CTNNA3: variants seen among roughly 807,000 people sequenced by gnomAD.
CTNNA3 encodes the protein catenin alpha-3.
Under a neutral mutation model 95.7 loss-of-function variants are expected in CTNNA3, and 76 were observed. The observed-to-expected ratio is 0.79, with a 90% confidence interval of 0.66 to 0.96. The LOEUF (loss-of-function observed/expected upper bound fraction) is 0.96, where lower values mean the gene tolerates loss of function less well. CTNNA3 is among the 40% of genes least tolerant of loss of function. The pLI, the probability that CTNNA3 is intolerant of heterozygous loss-of-function variation, is 0.00. For synonymous variants in CTNNA3, 431 were observed against 374.4 expected (o/e 1.15, Z -1.74); for missense variants, 1,191 against 1,089.8 (o/e 1.09, Z -1.31).
chr10:67,073,652 T>C (rs1454731638), intron 7 of CTNNA3, among the ~76,000 whole-genome samples: 1 of 148,172 alleles, frequency 6.7e-6, no homozygotes, highest in Non-Finnish European at 1.5e-5. Flanking sequence ...CAAAAAATAA[T>C]AGAGATACAA....
intron 7 of CTNNA3, among the ~76,000 whole-genome samples, chr10:67,037,829 G>A (rs897043074): frequency 2.6e-5 from 4 of 152,146 alleles, no homozygotes; most frequent in African/African-American, 7.2e-5. Flanking sequence ...GACAATTTGA[G>A]ATGTATTGGT....
At position 67,731,674 on chromosome 10, in the gene CTNNA3, C is replaced by A. The variant is rs372399929; in HGVS notation, c.-2+31760G>T. 5.3e-5 allele frequency among the ~76,000 whole-genome samples: 8 copies of A among 150,360 alleles called. No individual in the cohort carries two copies. The Admixed American group carries it at 5.3e-4, about 10-fold the overall frequency. On this transcript the variant is annotated intron_variant, in intron 1 of 17. Transcript: ENST00000684154. ...AAAGTTAGCCAGTCGTGGTGGTGGG[C>A]GCCTGTAGTCCCAGCTACTCGGGAG...
intron 7 of CTNNA3, among the ~76,000 whole-genome samples, chr10:66,824,173 T>C (rs1842410817): frequency 6.6e-6 from 1 of 152,026 alleles, no homozygotes; most frequent in East Asian, 1.9e-4. Flanking sequence ...TTTCAATTCA[T>C]GAGAGGGTTT....
At chr10:66,925,050 C>A (rs1193972795) in intron 7 of CTNNA3, among the ~76,000 whole-genome samples, 2 of 152,114 alleles carry the variant, frequency 1.3e-5, no homozygotes, top group East Asian at 1.9e-4. Context: ...AGCTTCCTTG[C>A]CCCAATCCTT....
intron 7 of CTNNA3, among the ~76,000 whole-genome samples, chr10:67,039,123 C>T (rs1454345776): frequency 6.6e-6 from 1 of 151,908 alleles, no homozygotes; most frequent in Admixed American, 6.6e-5. Flanking sequence ...TGAACAAATG[C>T]CTCACACTGA....
chr10:67,515,876 CTCAT>C (rs1233525763), intron 5 of CTNNA3, among the ~76,000 whole-genome samples: 1 of 152,208 alleles, frequency 6.6e-6, no homozygotes, highest in Non-Finnish European at 1.5e-5. Flanking sequence ...CCCCTTAGTA[CTCAT>C]TCAGTCCAGC....
chr10:66,777,915 A>G (rs1440778575), intron 7 of CTNNA3, among the ~76,000 whole-genome samples: 1 of 152,112 alleles, frequency 6.6e-6, no homozygotes, highest in Non-Finnish European at 1.5e-5. Flanking sequence ...AAAAAATGTC[A>G]GCTTTCTCAG....
At chr10:65,985,531 C>T (rs1325959726) in intron 16 of CTNNA3, among the ~76,000 whole-genome samples, 1 of 151,394 alleles carries the variant, frequency 6.6e-6, no homozygotes, top group Non-Finnish European at 1.5e-5. Flanking sequence ...GTATTTTATG[C>T]ATTTTATATC....
At chr10:67,757,513 C>G (rs12572665) in intron 1 of CTNNA3, among the ~76,000 whole-genome samples, 1 of 152,104 alleles carries the variant, frequency 6.6e-6, no homozygotes, top group Admixed American at 6.5e-5. Context: ...GCTGCTAATG[C>G]GGCTAGAATA....
intron 7 of CTNNA3, among the ~76,000 whole-genome samples, chr10:66,834,197 A>G (rs1842818545): frequency 6.6e-6 from 1 of 152,144 alleles, no homozygotes; most frequent in Non-Finnish European, 1.5e-5. Context: ...ATGTGTACTC[A>G]CATACAATTG....
At chr10:66,390,017 T>A (rs761511626) in intron 11 of CTNNA3, among the ~76,000 whole-genome samples, 1 of 152,108 alleles carries the variant, frequency 6.6e-6, no homozygotes, top group African/African-American at 2.4e-5. Context: ...ATTACTGGAG[T>A]GAGCCCCTGC....
rs573384302 is a variant in CTNNA3, at chr10:66,048,935, A to C, written c.2159+20373T>G. 1.4e-4 allele frequency among the ~76,000 whole-genome samples: 22 copies of C among 152,098 alleles called. No homozygotes were observed. In the South Asian group the frequency reaches 4.4e-3, roughly 30 times the overall value. ...AATTGCAACAAAAGCAAAAATTGAC[A>C]AGTGGGAACTAATTAAAATTAAGAT... is the stretch of plus-strand genomic sequence containing the variant. On this transcript the variant is annotated intron_variant, in intron 15 of 17. Coordinates refer to ENST00000433211, the MANE Select transcript of CTNNA3 (RefSeq NM_013266.4).
At chr10:67,617,173 G>A (rs117159332) in intron 2 of CTNNA3, among the ~76,000 whole-genome samples, 3,499 of 152,182 alleles carry the variant, frequency 0.023, 56 homozygotes, top group Non-Finnish European at 0.032. Context: ...GTAAACTCAC[G>A]TCATGAAAAG....
intron 14 of CTNNA3, among the ~76,000 whole-genome samples, chr10:66,073,985 G>A (rs2080495273): frequency 6.6e-6 from 1 of 152,086 alleles, no homozygotes; most frequent in East Asian, 1.9e-4. Flanking sequence ...CAGACACTCG[G>A]AAGCCTCCTT....
chr10:66,049,609 G>A (rs554433104), intron 15 of CTNNA3, among the ~76,000 whole-genome samples: 7 of 152,258 alleles, frequency 4.6e-5, no homozygotes, highest in Admixed American at 3.3e-4. Context: ...ATACTATGAA[G>A]CAATAAAAAA....
chr10:65,988,856 C>G (rs758072028), intron 15 of CTNNA3, 59 bp from the exon 16 acceptor site: 1 of 1,217,376 alleles, frequency 8.2e-7, no homozygotes, highest in South Asian at 1.3e-5. Flanking sequence ...ATGTTAGCTA[C>G]GATGGTTCAT....
At chr10:66,680,637 T>G (rs955569089) in intron 9 of CTNNA3, among the ~76,000 whole-genome samples, 2 of 152,178 alleles carry the variant, frequency 1.3e-5, no homozygotes, top group African/African-American at 4.8e-5. Flanking sequence ...GTCCACAACT[T>G]TCTTCAAGAT....
chr10:67,236,918 G>T (rs1465074254), intron 5 of CTNNA3, among the ~76,000 whole-genome samples: 1 of 151,002 alleles, frequency 6.6e-6, no homozygotes, highest in East Asian at 2.0e-4. Flanking sequence ...GGAAAACAGG[G>T]TGGATCTTAC....
chr10:66,289,069 T>C (rs2091636571), intron 12 of CTNNA3, among the ~76,000 whole-genome samples: 2 of 152,042 alleles, frequency 1.3e-5, no homozygotes, highest in African/African-American at 4.8e-5. Context: ...CTACAGCTGA[T>C]GAAATTGTAC....
Sources: allele counts gnomAD v4.1 joint callset (sites outside exome capture counted in the v4.1 genomes callset), GRCh38; gene constraint gnomAD v4.1.1; transcripts MANE v1.5; gene names NCBI Gene and HGNC (gene_info 2026-07-23, HGNC 2026-07-21).